Variants in ASTN2 observed in about 807,000 individuals in gnomAD.
The protein encoded by ASTN2 is astrotactin 2.
A neutral mutation model predicts 139.8 loss-of-function variants in ASTN2; 54 were observed. The ratio of observed to expected loss-of-function variants is 0.39; its 90% CI spans 0.31 to 0.48. The LOEUF (loss-of-function observed/expected upper bound fraction) is 0.48, where lower values mean the gene tolerates loss of function less well. ASTN2 is among the 20% of genes least tolerant of loss of function. The probability of loss-of-function intolerance (pLI) is 0.95; values close to 1 mark genes in which losing one functional copy is unlikely to be tolerated. For missense variants in ASTN2, 1,565 were observed against 1,725.1 expected (o/e 0.91, Z 1.64); for synonymous variants, 756 against 719.5 (o/e 1.05, Z -0.81).
intron 5 of ASTN2, among the ~76,000 whole-genome samples, chr9:117,047,025 G>A (rs896099854): frequency 6.6e-6 from 1 of 152,122 alleles, no homozygotes; most frequent in Non-Finnish European, 1.5e-5. Context: ...GCATATCAGG[G>A]TGACCACTGT....
intron 4 of ASTN2, among the ~76,000 whole-genome samples, chr9:117,114,166 CTT>C (rs748137558): frequency 0.12 from 17,263 of 140,744 alleles, 1,226 homozygotes; most frequent in Middle Eastern, 0.24. Context: ...GAACATTAGT[CTT>C]TTTTTTTTTT....
At chr9:116,656,444 G>A (rs781302577) in intron 16 of ASTN2, among the ~76,000 whole-genome samples, 7 of 152,164 alleles carry the variant, frequency 4.6e-5, no homozygotes, top group Non-Finnish European at 1.0e-4. Context: ...AAGTGAATGG[G>A]AGAGTTAGGT....
intron 6 of ASTN2, among the ~76,000 whole-genome samples, chr9:117,014,492 TCTTCA>T (rs1365996945): frequency 2.0e-5 from 3 of 152,132 alleles, no homozygotes; most frequent in African/African-American, 7.2e-5. Flanking sequence ...GTTATCTCTG[TCTTCA>T]CTTCCTGACC....
At chr9:116,510,934 C>G (rs1174933258) in intron 19 of ASTN2, among the ~76,000 whole-genome samples, 2 of 152,166 alleles carry the variant, frequency 1.3e-5, no homozygotes, top group Non-Finnish European at 2.9e-5. Context: ...GATATACAAT[C>G]ATGTCATCTG....
chr9:116,627,207 G>A (rs1443686644), intron 17 of ASTN2, among the ~76,000 whole-genome samples: 1 of 152,250 alleles, frequency 6.6e-6, no homozygotes, highest in Non-Finnish European at 1.5e-5. Context: ...AGGAAGGCAA[G>A]TGAGATGAGT....
At chr9:117,144,686 T>C (rs1377239860) in intron 3 of ASTN2, among the ~76,000 whole-genome samples, 1 of 51,808 alleles carries the variant, frequency 1.9e-5, no homozygotes, top group African/African-American at 4.9e-5. Context: ...TTTTTTTTTT[T>C]TTTTTTTTTT....
chr9:116,517,013 C>A (rs186347747), intron 19 of ASTN2, among the ~76,000 whole-genome samples: 2 of 152,310 alleles, frequency 1.3e-5, no homozygotes, highest in African/African-American at 4.8e-5. Context: ...CTGCCCCCAC[C>A]TGGTGTTCTT....
chr9:116,636,725 G>A (rs939750795), intron 17 of ASTN2, among the ~76,000 whole-genome samples: 11 of 152,112 alleles, frequency 7.2e-5, no homozygotes, highest in Non-Finnish European at 1.3e-4. Context: ...ACATACTGCA[G>A]TTATTTCAGA....
chr9:116,987,519 T>A (rs1836723647), intron 7 of ASTN2, among the ~76,000 whole-genome samples: 1 of 152,196 alleles, frequency 6.6e-6, no homozygotes, highest in Non-Finnish European at 1.5e-5. Context: ...CCTTCTGCCA[T>A]AACTGTAAGT....
At chr9:116,886,571 T>G (rs1423746885) in intron 10 of ASTN2, among the ~76,000 whole-genome samples, 1 of 152,090 alleles carries the variant, frequency 6.6e-6, no homozygotes, top group Non-Finnish European at 1.5e-5. Context: ...TTTACTATGT[T>G]GTCCAGGCTG....
chr9:117,034,258 C>T (rs1250356722), intron 6 of ASTN2, among the ~76,000 whole-genome samples: 1 of 152,174 alleles, frequency 6.6e-6, no homozygotes, highest in Admixed American at 6.5e-5. Flanking sequence ...GATGCATAAA[C>T]TAGCATCTCA....
intron 11 of ASTN2, among the ~76,000 whole-genome samples, chr9:116,832,154 T>C (rs1724177815): frequency 6.6e-6 from 1 of 152,188 alleles, no homozygotes; most frequent in Admixed American, 6.5e-5. Context: ...TCATTGCTAG[T>C]ATATAGGAAT....
intron 10 of ASTN2, among the ~76,000 whole-genome samples, chr9:116,878,285 C>A (rs923480356): frequency 9.9e-5 from 15 of 152,180 alleles, no homozygotes; most frequent in Admixed American, 7.9e-4. Context: ...TTCACAATAG[C>A]AAAAACATGA....
chr9:116,921,371 A>G (rs1179057097), intron 10 of ASTN2, among the ~76,000 whole-genome samples: 3 of 151,208 alleles, frequency 2.0e-5, no homozygotes, highest in Non-Finnish European at 4.4e-5. Context: ...GGCGGATCAC[A>G]TGGTCAGGAG....
chr9:117,135,475 C>T (rs529608989), intron 4 of ASTN2, among the ~76,000 whole-genome samples: 50 of 152,308 alleles, frequency 3.3e-4, no homozygotes, highest in African/African-American at 1.2e-3. Flanking sequence ...TCTATTTACC[C>T]GTCTCCATCC....
intron 19 of ASTN2, among the ~76,000 whole-genome samples, chr9:116,532,080 G>T (rs12339801): frequency 1.8e-4 from 28 of 152,016 alleles, no homozygotes; most frequent in Non-Finnish European, 3.4e-4. Context: ...AGATGGTATC[G>T]CATTGTAGTT....
At chr9:117,068,437 A>G (rs1828014258) in intron 5 of ASTN2, among the ~76,000 whole-genome samples, 1 of 90,406 alleles carries the variant, frequency 1.1e-5, no homozygotes. Flanking sequence ...TTTTTGCATC[A>G]ATGTTCATCA....
chr9:116,916,132 G>A (rs182932127), intron 10 of ASTN2, among the ~76,000 whole-genome samples: 28 of 152,314 alleles, frequency 1.8e-4, no homozygotes, highest in African/African-American at 6.7e-4. Flanking sequence ...GAAGTGTGGT[G>A]AGTCAAGATG....
chr9:117,013,963 T>C (rs952006520), intron 6 of ASTN2, among the ~76,000 whole-genome samples: 6 of 152,308 alleles, frequency 3.9e-5, no homozygotes, highest in Middle Eastern at 3.4e-3. Context: ...ATGAAAGATG[T>C]GTGGCTAAAA....
Sources: allele counts gnomAD v4.1 joint callset (sites outside exome capture counted in the v4.1 genomes callset), GRCh38; gene constraint gnomAD v4.1.1; transcripts MANE v1.5; gene names NCBI Gene and HGNC (gene_info 2026-07-23, HGNC 2026-07-21).